OXSR1: variants seen among roughly 807,000 people sequenced by gnomAD.
OXSR1 encodes the protein serine/threonine-protein kinase OSR1.
Under a neutral mutation model 79.8 loss-of-function variants are expected in OXSR1, and 24 were observed. The ratio of observed to expected loss-of-function variants is 0.30; its 90% confidence interval spans 0.22 to 0.42. The LOEUF (loss-of-function observed/expected upper bound fraction) is 0.42, where lower values mean the gene tolerates loss of function less well. Ranked by LOEUF, OXSR1 falls within the 10% of genes least tolerant of loss-of-function variation. OXSR1 has a pLI of 1.00. For missense variants in OXSR1, 430 were observed against 618.4 expected (o/e 0.70, Z 3.23); for synonymous variants, 226 against 209.2 (o/e 1.08, Z -0.69).
intron 10 of OXSR1, among the ~76,000 whole-genome samples, chr3:38,233,421 A>G (rs1702852518): frequency 6.6e-6 from 1 of 152,204 alleles, no homozygotes; most frequent in African/African-American, 2.4e-5. Flanking sequence ...CCACCCACTT[A>G]AAAGCTCAGT....
intron 11 of OXSR1, among the ~76,000 whole-genome samples, chr3:38,240,084 T>G (rs2125849133): frequency 6.6e-6 from 1 of 152,304 alleles, no homozygotes; most frequent in African/African-American, 2.4e-5. Flanking sequence ...TACAATTATA[T>G]TTTAAGTGAA....
At position 38,221,669 on chromosome 3, in the gene OXSR1, A is replaced by C. The variant is rs769562416; in HGVS notation, c.582A>C (p.Ala194=). The C allele has an allele frequency of 4.4e-6, 7 of 1,607,248 alleles. No homozygotes were observed. In the Admixed American group the frequency reaches 1.2e-4, roughly 27 times the overall value. Reference sequence around the variant, plus strand: ...TTGTTGGCACCCCTTGTTGGATGGCACCTGAAGTTATGGAACAGGTACCGT... The same window carrying C: ...TTGTTGGCACCCCTTGTTGGATGGCCCCTGAAGTTATGGAACAGGTACCGT... ...KTFVGTPCWM[A]PEVMEQVRGY... The change falls in exon 6 of 18, where the codon GCA becomes GCC. Residue 194 remains alanine, a synonymous_variant. Transcript: ENST00000311806.
In OXSR1 at chr3:38,236,910, T is replaced by A; in HGVS notation, c.1023T>A (p.Asp341Glu). ...ATGGAGGCTGGGAGTGGAGTGATGA[T>A]GAATTTGATGAAGAAAGTGAGGAAG... ...TEDGGWEWSDDEFDEESEEGK... is the reference protein window; with the variant it reads ...TEDGGWEWSDEEFDEESEEGK... Residue 341 changes from aspartate to glutamate, a missense_variant, in exon 11 of 18, where the codon GAT becomes GAA. Physicochemically the swap from Asp to Glu is conservative, Grantham distance 45. Coordinates refer to ENST00000311806, the MANE Select transcript of OXSR1 (RefSeq NM_005109.3). 2 of 1,612,816 alleles carry A rather than the reference T, an allele frequency of 1.2e-6. No homozygotes were observed. Among genetic ancestry groups the A allele is most frequent in the Non-Finnish European group, 1.7e-6 (2 of 1,179,104 alleles).
At chr3:38,188,017 G>C (rs1458752706) in intron 2 of OXSR1, among the ~76,000 whole-genome samples, 1 of 152,114 alleles carries the variant, frequency 6.6e-6, no homozygotes, top group Admixed American at 6.6e-5. Context: ...AACTCTACTG[G>C]TAGTTAAGGT....
At chr3:38,178,137 GAC>G (rs1701707593) in intron 1 of OXSR1, among the ~76,000 whole-genome samples, 1 of 152,066 alleles carries the variant, frequency 6.6e-6, no homozygotes, top group Non-Finnish European at 1.5e-5. Context: ...TTTTAATAGA[GAC>G]AGGGATTCGC....
At chr3:38,247,452 T>G (rs1221444257) in intron 13 of OXSR1, among the ~76,000 whole-genome samples, 2 of 152,188 alleles carry the variant, frequency 1.3e-5, no homozygotes, top group Non-Finnish European at 2.9e-5. Flanking sequence ...GAGAGTTTTC[T>G]TTCTCATTGT....
Position 38,236,510 on chromosome 3 carries a change from A to G in OXSR1, c.952-329A>G, listed in dbSNP as rs749593437. On this transcript the variant is annotated intron_variant, in intron 10 of 17. Coordinates refer to ENST00000311806, the MANE Select transcript of OXSR1 (RefSeq NM_005109.3). Reference sequence around the variant, plus strand: ...CAGATTTTAAATCTTGGGTTTATTCATTTTGAGCACCCAAAACCTCTTTTT... The same window carrying G: ...CAGATTTTAAATCTTGGGTTTATTCGTTTTGAGCACCCAAAACCTCTTTTT... Among the ~76,000 whole-genome samples the G allele has an allele frequency of 5.3e-5, 8 of 151,886 alleles. 1 individual carries two copies. In the South Asian group the frequency reaches 1.7e-3, roughly 32 times the overall value.
chr3:38,204,362 A>G (rs1702227623), intron 4 of OXSR1, among the ~76,000 whole-genome samples: 1 of 152,136 alleles, frequency 6.6e-6, no homozygotes, highest in African/African-American at 2.4e-5. Flanking sequence ...AAGCTGCAAG[A>G]CAAAGTCCCC....
Position 38,167,941 on chromosome 3 carries a change from G to A in OXSR1, c.70+1995G>A, listed in dbSNP as rs554325634. ...GTATCCATCTTTCTAGGGTGAAGAG[G>A]ATGGTTGTAGTCATTCTCAAAGCCT... On this transcript the variant is annotated intron_variant, in intron 1 of 17. Coordinates refer to ENST00000311806, the MANE Select transcript of OXSR1 (RefSeq NM_005109.3). 4.1e-3 allele frequency among the ~76,000 whole-genome samples: 628 copies of A among 151,466 alleles called. 3 individuals carry two copies. The highest frequency in any genetic ancestry group is 5.1e-3 in the Non-Finnish European group (346 of 67,976).
chr3:38,227,558 C>G (rs1402410597), intron 8 of OXSR1, among the ~76,000 whole-genome samples: 1 of 149,128 alleles, frequency 6.7e-6, no homozygotes, highest in Non-Finnish European at 1.5e-5. Flanking sequence ...CACACACACA[C>G]ACACACACAC....
At chr3:38,245,869 T>G (rs1253671460) in intron 12 of OXSR1, among the ~76,000 whole-genome samples, 1 of 152,168 alleles carries the variant, frequency 6.6e-6, no homozygotes, top group East Asian at 1.9e-4. Flanking sequence ...GAAATATAAA[T>G]TATACCTCAC....
chr3:38,203,716 T>C (rs1559510765), intron 4 of OXSR1, among the ~76,000 whole-genome samples: 1 of 152,156 alleles, frequency 6.6e-6, no homozygotes, highest in Non-Finnish European at 1.5e-5. Context: ...CGGAGCTGTC[T>C]GGAGCTGGGG....
chr3:38,180,920 T>C (rs901194448), intron 1 of OXSR1, among the ~76,000 whole-genome samples: 1 of 152,152 alleles, frequency 6.6e-6, no homozygotes, highest in Non-Finnish European at 1.5e-5. Context: ...TATGATTACA[T>C]TGGGCCCACC....
At chr3:38,181,221 C>T (rs901393958) in intron 1 of OXSR1, among the ~76,000 whole-genome samples, 5 of 151,486 alleles carry the variant, frequency 3.3e-5, no homozygotes, top group Admixed American at 2.0e-4. Context: ...CATTTCCACT[C>T]TGCTATTGAG....
intron 11 of OXSR1, 32 bp downstream of exon 11, chr3:38,236,993 G>T (rs1702932065): frequency 6.3e-7 from 1 of 1,582,268 alleles, no homozygotes; most frequent in Non-Finnish European, 8.6e-7. Context: ...ACTTTAGCTA[G>T]AACTTTTTGT....
chr3:38,252,729 A>G (rs551750384), intron 17 of OXSR1, 88 bp from the exon 18 acceptor site: 1 of 1,034,196 alleles, frequency 9.7e-7, no homozygotes. Context: ...CCCACTGCCT[A>G]CCTTCCCACT....
At chr3:38,228,909 T>C (rs1702749727) in intron 8 of OXSR1, among the ~76,000 whole-genome samples, 1 of 152,178 alleles carries the variant, frequency 6.6e-6, no homozygotes, top group Non-Finnish European at 1.5e-5. Context: ...GATAGTTCAA[T>C]GCACAGCAGT....
At position 38,174,451 on chromosome 3, in the gene OXSR1, G is replaced by A. The variant is rs146862238; in HGVS notation, c.70+8505G>A. Reference sequence around the variant, plus strand: ...ACAAAAATTAGCTGGGTTTGGTGGTGCATGTCTGTAATCCCAGCTACTCGG... The same window carrying A: ...ACAAAAATTAGCTGGGTTTGGTGGTACATGTCTGTAATCCCAGCTACTCGG... On this transcript the variant is annotated intron_variant, in intron 1 of 17. Transcript: ENST00000311806. Among the ~76,000 whole-genome samples the A allele has an allele frequency of 9.9e-4, 150 of 152,168 alleles. 1 individual carries two copies. The highest frequency in any genetic ancestry group is 3.6e-3 in the African/African-American group (149 of 41,514).
At position 38,241,959 on chromosome 3, in the gene OXSR1, A is replaced by C. The variant is rs533538417; in HGVS notation, c.1075-784A>C. On this transcript the variant is annotated intron_variant, in intron 11 of 17. Coordinates refer to ENST00000311806, the MANE Select transcript of OXSR1 (RefSeq NM_005109.3). Reference sequence around the variant, plus strand: ...TCTTTGACATATTCTGACTAAGTCCATCATTGTCAGAATTTACCATAAATT... The same window carrying C: ...TCTTTGACATATTCTGACTAAGTCCCTCATTGTCAGAATTTACCATAAATT... Among the ~76,000 whole-genome samples, 11 of 152,044 alleles carry C rather than the reference A, an allele frequency of 7.2e-5. No individual in the cohort carries two copies. In the East Asian group the frequency reaches 1.9e-3, roughly 27 times the overall value.
Sources: allele counts gnomAD v4.1 joint callset (sites outside exome capture counted in the v4.1 genomes callset), GRCh38; gene constraint gnomAD v4.1.1; transcripts MANE v1.5; gene names NCBI Gene and HGNC (gene_info 2026-07-23, HGNC 2026-07-21).